The following GPR139 variants were observed in gnomAD, a reference collection of about 807,000 sequenced individuals.
GPR139 encodes G protein-coupled receptor 139, also known as probable G protein-coupled receptor 139.
Under a neutral mutation model 25.8 loss-of-function variants are expected in GPR139, and 12 were observed. The observed-to-expected ratio is 0.47, with a 90% confidence interval of 0.30 to 0.75. GPR139 has a LOEUF of 0.75. Among genes scored for constraint, GPR139 ranks in the 30% least tolerant of loss-of-function variants. The probability of loss-of-function intolerance (pLI) is 0.07; values close to 1 mark genes in which losing one functional copy is unlikely to be tolerated. For missense variants in GPR139, 380 were observed against 450.2 expected (o/e 0.84, Z 1.41); for synonymous variants, 184 against 179.9 (o/e 1.02, Z -0.18).
At chr16:20,063,564 C>G (rs1012199895) in intron 1 of GPR139, among the ~76,000 whole-genome samples, 5 of 152,162 alleles carry the variant, frequency 3.3e-5, no homozygotes, top group African/African-American at 1.2e-4. Flanking sequence ...TACACTAGCA[C>G]CAAGCTGAAA....
rs2057468823 is a variant in GPR139, at chr16:20,073,589, C to A, written c.28G>T (p.Ala10Ser). 6.2e-7 allele frequency: 1 copy of A among 1,610,492 alleles called. No individual in the cohort carries two copies. Among genetic ancestry groups the A allele is most frequent in the Non-Finnish European group, 8.5e-7 (1 of 1,178,728 alleles). ...GACCACCAAGACAGCGAGCTGTTGG[C>A]TGCGAGGTGGGCGTGCGTGTGCTCC... MEHTHAHLA[A>S]NSSLSWWSPG... Residue 10 changes from alanine to serine, a missense_variant, in exon 1 of 2, where the codon GCC becomes TCC. Transcript: ENST00000570682. The surrounding 1 kb of genome is among the most constrained non-coding windows in gnomAD (Gnocchi z 4.7).
At chr16:20,054,930 G>T (rs2057383929) in intron 1 of GPR139, among the ~76,000 whole-genome samples, 1 of 152,180 alleles carries the variant, frequency 6.6e-6, no homozygotes, top group African/African-American at 2.4e-5. Flanking sequence ...GTTTTGCCAT[G>T]TTGGCTAGGC....
At chr16:20,052,865 A>G (rs1344088361) in intron 1 of GPR139, among the ~76,000 whole-genome samples, 1 of 151,856 alleles carries the variant, frequency 6.6e-6, no homozygotes, top group Non-Finnish European at 1.5e-5. Flanking sequence ...TTTAAAAATT[A>G]TTAATTTTAA....
At chr16:20,069,147 T>C (rs1389922192) in intron 1 of GPR139, among the ~76,000 whole-genome samples, 1 of 152,182 alleles carries the variant, frequency 6.6e-6, no homozygotes, top group Admixed American at 6.5e-5. Context: ...TGGGATTTTT[T>C]CCTAATTTTT....
At chr16:20,045,041 T>C (rs1286543919) in intron 1 of GPR139, among the ~76,000 whole-genome samples, 1 of 142,560 alleles carries the variant, frequency 7.0e-6, no homozygotes, top group African/African-American at 2.6e-5. Flanking sequence ...GCTCTGTCGC[T>C]CAGGCTGGAG....
At chr16:20,064,837 T>A (rs2057425769) in intron 1 of GPR139, among the ~76,000 whole-genome samples, 1 of 152,244 alleles carries the variant, frequency 6.6e-6, no homozygotes, top group African/African-American at 2.4e-5. Context: ...TCCACCATGC[T>A]GGCAGGTTCT....
At chr16:20,032,995 T>A (rs1016123262) in intron 1 of GPR139, among the ~76,000 whole-genome samples, 43 of 151,108 alleles carry the variant, frequency 2.8e-4, no homozygotes, top group African/African-American at 9.7e-4. Context: ...TGAGTGGTGT[T>A]GCCGCCATTC....
intron 1 of GPR139, among the ~76,000 whole-genome samples, chr16:20,072,184 C>T (rs897430507): frequency 2.0e-5 from 3 of 152,186 alleles, no homozygotes; most frequent in South Asian, 2.1e-4. Context: ...GCAGCCGTGG[C>T]GATTAGTTAG....
rs546846874 is a variant in GPR139, at chr16:20,052,804, A to G, written c.128-20135T>C. ...ACTCCATCTCAAAAAAAAAAAAAAA[A>G]GCTTCCATTTAACAATCTCTTATTA... On this transcript the variant is annotated intron_variant, in intron 1 of 1. Transcript: ENST00000570682. 9.7e-4 allele frequency among the ~76,000 whole-genome samples: 141 copies of G among 145,662 alleles called. 1 individual carries two copies. Among genetic ancestry groups the G allele is most frequent in the South Asian group, 3.1e-3 (14 of 4,448 alleles).
intron 1 of GPR139, among the ~76,000 whole-genome samples, chr16:20,063,193 C>G (rs2141213818): frequency 6.6e-6 from 1 of 152,286 alleles, no homozygotes; most frequent in Non-Finnish European, 1.5e-5. Flanking sequence ...TATAACCACC[C>G]CAGATCACAA....
intron 1 of GPR139, among the ~76,000 whole-genome samples, chr16:20,053,638 C>T (rs1043924931): frequency 6.6e-6 from 1 of 152,180 alleles, no homozygotes; most frequent in Non-Finnish European, 1.5e-5. Context: ...AAGGAGATAA[C>T]GCATGTGAAG....
intron 1 of GPR139, among the ~76,000 whole-genome samples, chr16:20,061,223 ATGTG>A (rs1385337990): frequency 2.2e-4 from 23 of 102,408 alleles, no homozygotes; most frequent in South Asian, 1.1e-3. Flanking sequence ...GGATGGATGG[ATGTG>A]TGGATGGATG....
chr16:20,053,495 G>A (rs1247550305), intron 1 of GPR139, among the ~76,000 whole-genome samples: 1 of 152,200 alleles, frequency 6.6e-6, no homozygotes, highest in Non-Finnish European at 1.5e-5. Flanking sequence ...AGCATGCTGT[G>A]TTTGCAGAAC....
intron 1 of GPR139, among the ~76,000 whole-genome samples, chr16:20,053,733 G>C (rs1457904161): frequency 6.6e-6 from 1 of 152,078 alleles, no homozygotes; most frequent in African/African-American, 2.4e-5. Context: ...TCAAGAGCAA[G>C]ATAGCAGAAA....
chr16:20,058,269 G>A (rs934542663), intron 1 of GPR139, among the ~76,000 whole-genome samples: 1 of 152,132 alleles, frequency 6.6e-6, no homozygotes, highest in Non-Finnish European at 1.5e-5. Flanking sequence ...TTTCTTGCAG[G>A]AAAGGCATTT....
intron 1 of GPR139, among the ~76,000 whole-genome samples, chr16:20,050,249 G>A (rs1032085776): frequency 2.0e-5 from 3 of 152,174 alleles, no homozygotes; most frequent in African/African-American, 4.8e-5. Flanking sequence ...GGAGCCAGTC[G>A]AGTGACTGGG....
In GPR139 at chr16:20,066,494, T is replaced by G. The variant is rs540729250; in HGVS notation, c.127+6996A>C. 2.0e-5 allele frequency among the ~76,000 whole-genome samples: 3 copies of G among 152,358 alleles called. No homozygotes were observed. The South Asian group carries it at 6.2e-4, about 32-fold the overall frequency. ...ATCTATTGGATCATTCTCTTGTAGT[T>G]TGCCAGGGCATGTTGTTTCATTTCC... is the stretch of plus-strand genomic sequence containing the variant. On this transcript the variant is annotated intron_variant, in intron 1 of 1. Transcript: ENST00000570682.
At chr16:20,070,905 C>T (rs1205989166) in intron 1 of GPR139, 9 of 977,202 alleles carry the variant, frequency 9.2e-6, no homozygotes, top group Admixed American at 6.2e-5. Context: ...GAGCTCAACA[C>T]GCAGAGTTAC....
intron 1 of GPR139, among the ~76,000 whole-genome samples, chr16:20,047,355 C>G (rs375717725): frequency 2.0e-5 from 3 of 152,158 alleles, no homozygotes; most frequent in Non-Finnish European, 2.9e-5. Flanking sequence ...GGAGGCCTGA[C>G]CTGGCCTCCC....
Sources: allele counts gnomAD v4.1 joint callset (sites outside exome capture counted in the v4.1 genomes callset), GRCh38; gene constraint gnomAD v4.1.1; non-coding constraint Gnocchi (gnomAD v3.1); transcripts MANE v1.5; gene names NCBI Gene and HGNC (gene_info 2026-07-23, HGNC 2026-07-21).